The following DNAJC9 variants were observed in gnomAD, a reference collection of about 807,000 sequenced individuals.
DNAJC9 encodes the protein dnaJ homolog subfamily C member 9.
Under a neutral mutation model 32.4 loss-of-function variants are expected in DNAJC9, and 18 were observed. The ratio of observed to expected loss-of-function variants is 0.56; its 90% CI spans 0.38 to 0.82. The LOEUF (loss-of-function observed/expected upper bound fraction) is 0.82, where lower values mean the gene tolerates loss of function less well. Ranked by LOEUF, DNAJC9 falls within the 40% of genes least tolerant of loss-of-function variation. The probability of loss-of-function intolerance (pLI) is 0.00; values close to 1 mark genes in which losing one functional copy is unlikely to be tolerated. For missense variants in DNAJC9, 310 were observed against 321.8 expected (o/e 0.96, Z 0.28); for synonymous variants, 113 against 122.1 (o/e 0.93, Z 0.49).
downstream of DNAJC9, among the ~76,000 whole-genome samples, chr10:73,238,000 C>T (rs553526950): frequency 2.4e-4 from 37 of 152,262 alleles, no homozygotes; most frequent in African/African-American, 7.2e-4. Flanking sequence ...CCATTTCTCT[C>T]CCCATTTGCT....
chr10:73,241,034 A>C (rs2043940400), downstream of DNAJC9: 4 of 1,438,144 alleles, frequency 2.8e-6, no homozygotes, highest in Non-Finnish European at 2.9e-6. Context: ...AATGAGAAGA[A>C]TCTATCAGGC....
At chr10:73,235,849 T>G (rs960078036), downstream of DNAJC9, among the ~76,000 whole-genome samples, 1 of 152,142 alleles carries the variant, frequency 6.6e-6, no homozygotes, top group African/African-American at 2.4e-5. Context: ...TTTTTCTTTC[T>G]ACTGGTGTTT....
At chr10:73,238,709 T>C (rs1227482597), downstream of DNAJC9, 1 of 152,228 alleles carries the variant, frequency 6.6e-6, no homozygotes, top group Non-Finnish European at 1.5e-5. Context: ...ATCTCTTGAT[T>C]TCAGTGCTCT....
Position 73,243,944 on chromosome 10 carries a change from C to A in DNAJC9, c.577-15G>T, listed in dbSNP as rs1445550893. 2 of 1,610,748 alleles carry A rather than the reference C, an allele frequency of 1.2e-6. No homozygotes were observed. Among genetic ancestry groups the A allele is most frequent in the Admixed American group, 1.7e-5 (1 of 59,560 alleles). On this transcript the variant is annotated splice_polypyrimidine_tract_variant and intron_variant, in intron 3 of 4. Transcript: ENST00000372950. ...TCTTCCTGAGCCTGAAACAGGAACT[C>A]ACATGAGACTCAGGGCCACCAGGAA... is the stretch of plus-strand genomic sequence containing the variant.
At chr10:73,240,076 A>G (rs1243706284), downstream of DNAJC9, among the ~76,000 whole-genome samples, 1 of 152,138 alleles carries the variant, frequency 6.6e-6, no homozygotes, top group Non-Finnish European at 1.5e-5. Context: ...AAGCAGTGCC[A>G]CCATGCCCAG....
rs1349359802 is a variant in DNAJC9, at chr10:73,246,014, T to C, written c.484A>G (p.Ile162Val). Residue 162 changes from isoleucine to valine, a missense_variant, in exon 3 of 5, where the codon ATC becomes GTC. Transcript: ENST00000372950. The part of the protein sequence containing the change: ...QYTEEPRIRN[I>V]IQQAIDAGEV... ...CCGGCGTCAATAGCTTGCTGAATGA[T>C]ATTCCTTATCCTGGGTTCCTCTGTG... is the stretch of plus-strand genomic sequence containing the variant. 5.0e-6 allele frequency: 8 copies of C among 1,613,630 alleles called. No individual in the cohort carries two copies. In the African/African-American group the frequency reaches 9.3e-5, roughly 19 times the overall value.
downstream of DNAJC9, chr10:73,238,821 C>G (rs1261972117): frequency 1.3e-5 from 2 of 152,416 alleles, no homozygotes; most frequent in Non-Finnish European, 2.9e-5. Flanking sequence ...AGTCGTATCT[C>G]TACATTTTTT....
chr10:73,233,109 A>T (rs767913197), intron 2 of DNAJC9: 9 of 1,551,676 alleles, frequency 5.8e-6, no homozygotes, highest in Non-Finnish European at 7.0e-6. Flanking sequence ...AGCACGAGCC[A>T]TTCATGTGCT....
chr10:73,240,127 C>G (rs1473519609), downstream of DNAJC9, among the ~76,000 whole-genome samples: 1 of 152,116 alleles, frequency 6.6e-6, no homozygotes, highest in Admixed American at 6.5e-5. Flanking sequence ...GCTATGTTGC[C>G]CAGGCTGCAG....
At chr10:73,235,404 T>C (rs2043799950), downstream of DNAJC9, 2 of 1,527,424 alleles carry the variant, frequency 1.3e-6, no homozygotes, top group Non-Finnish European at 1.8e-6. Flanking sequence ...CTTAAGATTT[T>C]ATCTAGAGGC....
In DNAJC9 at chr10:73,247,208, C is replaced by G. The variant is rs908871126; in HGVS notation, c.-19G>C. On this transcript the variant is annotated 5_prime_UTR_variant, in exon 1 of 5. Transcript: ENST00000372950. ...GCCCCATGCCGGGCGGAGATACGAC[C>G]CCGGAGGAAGCAGCCGCTCCCAGCT... 6.3e-7 allele frequency: 1 copy of G among 1,580,666 alleles called. No homozygotes were observed. The highest frequency in any genetic ancestry group is 8.6e-7 in the Non-Finnish European group (1 of 1,164,630).
chr10:73,247,137 C>A lies in DNAJC9; in HGVS notation c.53G>T (p.Arg18Leu), dbSNP rs865967115. 6.3e-7 allele frequency: 1 copy of A among 1,595,574 alleles called. No individual in the cohort carries two copies. Among genetic ancestry groups the A allele is most frequent in the East Asian group, 2.3e-5 (1 of 43,388 alleles). ...EEVFGTADLY[R>L]VLGVRREASD... Reference sequence around the variant, plus strand: ...GGCCTCGCGTCGCACGCCCAGCACCCGGTAAAGGTCGGCGGTGCCGAACAC... The same window carrying A: ...GGCCTCGCGTCGCACGCCCAGCACCAGGTAAAGGTCGGCGGTGCCGAACAC... Residue 18 changes from arginine to leucine, a missense_variant, in exon 1 of 5, where the codon CGG becomes CTG. Coordinates refer to ENST00000372950, the MANE Select transcript of DNAJC9 (RefSeq NM_015190.5).
rs1286436808 is a variant in DNAJC9 at position 73,242,722 on chromosome 10, G to A, written c.*678C>T. The A allele has an allele frequency of 6.6e-6, 1 of 152,122 alleles. No homozygotes were observed. The highest frequency in any genetic ancestry group is 1.9e-4 in the East Asian group (1 of 5,192). The allele number at this position is 152,122 out of a possible 1,614,324, so 9.4% of individuals were successfully genotyped here. A position where few individuals can be genotyped will look rare whatever the true frequency, so the allele number is the denominator to read the frequency against. ...GGGAAACCAGGCTCTCTATTATAAA[G>A]CTGACCAGGGCTATTGTTTTCCCCT... On this transcript the variant is annotated 3_prime_UTR_variant, in exon 5 of 5. Coordinates refer to ENST00000372950, the MANE Select transcript of DNAJC9 (RefSeq NM_015190.5).
In DNAJC9 at chr10:73,247,122, C is replaced by A; in HGVS notation, c.68G>T (p.Arg23Leu). The A allele has an allele frequency of 6.3e-7, 1 of 1,596,040 alleles. No homozygotes were observed. The highest frequency in any genetic ancestry group is 8.5e-7 in the Non-Finnish European group (1 of 1,172,234). Residue 23 changes from arginine (R) to leucine (L), a missense_variant, in exon 1 of 5, where the codon CGA becomes CTA. By Grantham distance (102) the Arg-to-Leu change is moderately radical. Coordinates refer to ENST00000372950, the MANE Select transcript of DNAJC9 (RefSeq NM_015190.5). ...GACCTCGCCGTCGGAGGCCTCGCGT[C>A]GCACGCCCAGCACCCGGTAAAGGTC... ...TADLYRVLGV[R>L]REASDGEVRR...
downstream of DNAJC9, among the ~76,000 whole-genome samples, chr10:73,240,272 A>G (rs951447447): frequency 6.6e-6 from 1 of 152,348 alleles, no homozygotes; most frequent in Non-Finnish European, 1.5e-5. Flanking sequence ...AACTATGGTA[A>G]AAAACTAGTC....
chr10:73,245,193 CA>C (rs1053627877), intron 3 of DNAJC9, among the ~76,000 whole-genome samples: 1 of 152,044 alleles, frequency 6.6e-6, no homozygotes. Flanking sequence ...TCACCGGAAA[CA>C]AAAAGGTCAG....
chr10:73,235,356 G>C (rs1268010037), downstream of DNAJC9: 18 of 1,549,164 alleles, frequency 1.2e-5, no homozygotes, highest in East Asian at 4.4e-4. Flanking sequence ...CTTGATAGTT[G>C]GGGAAAGAAA....
chr10:73,235,017 C>A, downstream of DNAJC9: 1 of 1,513,530 alleles, frequency 6.6e-7, no homozygotes, highest in South Asian at 1.3e-5. Context: ...GATCTGTGCC[C>A]TGATCTTGAT....
chr10:73,247,030 C>T lies in DNAJC9; in HGVS notation c.160G>A (p.Asp54Asn). 6.5e-7 allele frequency: 1 copy of T among 1,526,982 alleles called. No individual in the cohort carries two copies. The highest frequency in any genetic ancestry group is 8.8e-7 in the Non-Finnish European group (1 of 1,134,434). The allele number at this position is 1,526,982 out of a possible 1,614,324, so 94.6% of individuals were successfully genotyped here. Reference sequence around the variant, plus strand: ...CATACCTGGAAGCGGCGGGTGGCGTCCTCCTTGTCGCCCTCACCCACCCGG... The same window carrying T: ...CATACCTGGAAGCGGCGGGTGGCGTTCTCCTTGTCGCCCTCACCCACCCGG... Reference protein sequence around the residue: ...PDRVGEGDKEDATRRFQILGK... With the variant: ...PDRVGEGDKENATRRFQILGK... Residue 54 changes from aspartate (D) to asparagine (N), a missense_variant, in exon 1 of 5, where the codon GAC becomes AAC. By Grantham distance (23) the Asp-to-Asn change is conservative (BLOSUM62 1). Transcript: ENST00000372950.
Sources: gnomAD v4.1 joint callset for allele counts (sites outside exome capture counted in the v4.1 genomes callset) on GRCh38, gnomAD v4.1.1 for gene constraint, MANE v1.5 for transcripts, NCBI Gene and HGNC (gene_info 2026-07-23, HGNC 2026-07-21) for gene names.